Variants in PCDHGA3 observed in about 807,000 individuals in gnomAD.
The protein encoded by PCDHGA3 is protocadherin gamma-A3.
A neutral mutation model predicts 58.5 loss-of-function variants in PCDHGA3; 40 were observed. The ratio of observed to expected loss-of-function variants is 0.68; its 90% CI spans 0.53 to 0.89. The LOEUF is 0.89. Among genes scored for constraint, PCDHGA3 ranks in the 40% least tolerant of loss-of-function variants. PCDHGA3 has a pLI of 0.00. For missense variants in PCDHGA3, 1,223 were observed against 1,195.9 expected, an observed-to-expected ratio of 1.02 and a Z score of -0.33; for synonymous variants, 530 against 525.7, an observed-to-expected ratio of 1.01 and a Z score of -0.11.
intron 1 of PCDHGA3, among the ~76,000 whole-genome samples, chr5:141,450,832 T>TTATTA (rs764784095): frequency 5.6e-5 from 8 of 142,316 alleles, no homozygotes; most frequent in African/African-American, 2.2e-4. Context: ...TATTATTATT[T>TTATTA]TTTTTTTTTT....
At chr5:141,394,769 C>T in intron 1 of PCDHGA3, 1 of 1,613,514 alleles carries the variant, frequency 6.2e-7, no homozygotes, top group Non-Finnish European at 8.5e-7. Flanking sequence ...ATGGCCAGCC[C>T]CCTCTCTCCG....
intron 1 of PCDHGA3, chr5:141,392,892 G>A (rs2092623669): frequency 6.2e-7 from 1 of 1,613,702 alleles, no homozygotes; most frequent in Non-Finnish European, 8.5e-7. Context: ...GTGGGAAATC[G>A]GGAGGGGACA....
At chr5:141,427,100 T>G (rs1270371842) in intron 1 of PCDHGA3, 1 of 458,010 alleles carries the variant, frequency 2.2e-6, no homozygotes, top group Non-Finnish European at 4.4e-6. Flanking sequence ...AGGGTGTCAA[T>G]GCGGAGATCA....
At chr5:141,499,880 G>A (rs1177287013) in intron 2 of PCDHGA3, among the ~76,000 whole-genome samples, 1 of 151,886 alleles carries the variant, frequency 6.6e-6, no homozygotes, top group African/African-American at 2.4e-5. Flanking sequence ...TACAAACAGG[G>A]TTTCGCCATG....
chr5:141,499,457 T>G (rs1000400491), intron 2 of PCDHGA3, among the ~76,000 whole-genome samples: 1 of 152,214 alleles, frequency 6.6e-6, no homozygotes, highest in African/African-American at 2.4e-5. Context: ...CCCATCATTT[T>G]ACAATCTAGG....
intron 1 of PCDHGA3, chr5:141,399,663 G>C: frequency 6.2e-7 from 1 of 1,613,624 alleles, no homozygotes; most frequent in Non-Finnish European, 8.5e-7. Context: ...TGGTGTTCGC[G>C]CAGCGCGCCT....
chr5:141,352,394 C>G (rs370902348), intron 1 of PCDHGA3: 7 of 1,614,050 alleles, frequency 4.3e-6, no homozygotes, highest in Non-Finnish European at 5.9e-6. Context: ...CCTGCGCCTG[C>G]GACGTTCCTC....
Position 141,388,206 on chromosome 5 carries a change from G to C in PCDHGA3, c.2424+41749G>C. ...GCCAGCTTGTGCTCTGGAATTTGAGGCTGTTGCTGAAAATCCACTGAACTT... is the reference window on the plus strand; with the variant it reads ...GCCAGCTTGTGCTCTGGAATTTGAGCCTGTTGCTGAAAATCCACTGAACTT... On this transcript the variant is annotated intron_variant, in intron 1 of 3. Coordinates refer to ENST00000253812, the MANE Select transcript of PCDHGA3 (RefSeq NM_018916.4). 4 of 1,578,262 alleles carry C rather than the reference G, an allele frequency of 2.5e-6. No homozygotes were observed. In the South Asian group the frequency reaches 4.5e-5, roughly 18 times the overall value.
At chr5:141,461,602 A>G (rs971808608) in intron 1 of PCDHGA3, among the ~76,000 whole-genome samples, 2 of 152,172 alleles carry the variant, frequency 1.3e-5, no homozygotes, top group African/African-American at 4.8e-5. Flanking sequence ...ATTATAATTT[A>G]GTTCAAAGTA....
At position 141,491,413 on chromosome 5, in the gene PCDHGA3, G is replaced by A. The variant is rs1193417991; in HGVS notation, c.2425-3394G>A. 5.6e-6 allele frequency: 9 copies of A among 1,613,946 alleles called. No individual in the cohort carries two copies. Among genetic ancestry groups the A allele is most frequent in the Non-Finnish European group, 7.6e-6 (9 of 1,179,986 alleles). On this transcript the variant is annotated intron_variant, in intron 1 of 3. Transcript: ENST00000253812. The surrounding 1 kb of genome is among the most constrained non-coding windows in gnomAD (Gnocchi z 6.9). Reference sequence around the variant, plus strand: ...CCTTCAGGGAAACGCAGACGGGGACGGGGGTGGAGGGCAGTGCTGCAGGCG... The same window carrying A: ...CCTTCAGGGAAACGCAGACGGGGACAGGGGTGGAGGGCAGTGCTGCAGGCG...
chr5:141,357,987 C>T (rs921164860), intron 1 of PCDHGA3, among the ~76,000 whole-genome samples: 3 of 152,080 alleles, frequency 2.0e-5, no homozygotes, highest in African/African-American at 7.2e-5. Flanking sequence ...CTCAGGAGTT[C>T]GAGACCAGTC....
chr5:141,404,164 G>A, intron 1 of PCDHGA3: 2 of 1,613,126 alleles, frequency 1.2e-6, no homozygotes, highest in South Asian at 2.2e-5. Context: ...ATTACAGATT[G>A]TTGACGGCCC....
At chr5:141,444,783 C>A (rs551686741) in intron 1 of PCDHGA3, among the ~76,000 whole-genome samples, 2 of 152,100 alleles carry the variant, frequency 1.3e-5, no homozygotes, top group Non-Finnish European at 2.9e-5. Context: ...GATCATGTTT[C>A]ATTTGTCTAT....
intron 1 of PCDHGA3, chr5:141,365,618 C>T: frequency 6.2e-7 from 1 of 1,613,564 alleles, no homozygotes; most frequent in Non-Finnish European, 8.5e-7. Flanking sequence ...CCATGGAACC[C>T]CGCCCCTCTC....
At chr5:141,390,634 T>C (rs1003300188) in intron 1 of PCDHGA3, 36 of 236,246 alleles carry the variant, frequency 1.5e-4, no homozygotes, top group African/African-American at 7.4e-4. Context: ...ATATGATGAA[T>C]ACTTTTTTCA....
chr5:141,469,753 T>C (rs564585597), intron 1 of PCDHGA3, among the ~76,000 whole-genome samples: 1 of 152,322 alleles, frequency 6.6e-6, no homozygotes, highest in East Asian at 1.9e-4. Flanking sequence ...ATTACAAAAA[T>C]ACATATATAC....
intron 1 of PCDHGA3, among the ~76,000 whole-genome samples, chr5:141,462,430 T>C (rs1471523013): frequency 2.0e-5 from 3 of 152,230 alleles, no homozygotes; most frequent in African/African-American, 4.8e-5. Flanking sequence ...TTGGTGAGTG[T>C]TGCTTACACA....
At chr5:141,497,013 A>G (rs2099773320) in intron 2 of PCDHGA3, among the ~76,000 whole-genome samples, 1 of 151,990 alleles carries the variant, frequency 6.6e-6, no homozygotes, top group Admixed American at 6.6e-5. Context: ...ACATGGTGAA[A>G]CCCCATCTCG....
rs202187251 is a variant in PCDHGA3, at chr5:141,361,781, G to A, written c.2424+15324G>A. Reference sequence around the variant, plus strand: ...GCGCTCAGCGCCAACGTGAGCCTGCGCGTGTTAGTGGGCGACCTCAATGAC... The same window carrying A: ...GCGCTCAGCGCCAACGTGAGCCTGCACGTGTTAGTGGGCGACCTCAATGAC... On this transcript the variant is annotated intron_variant, in intron 1 of 3. Transcript: ENST00000253812. The A allele has an allele frequency of 3.1e-4, 505 of 1,613,104 alleles. No homozygotes were observed. Among genetic ancestry groups the A allele is most frequent in the Non-Finnish European group, 3.8e-4 (452 of 1,179,752 alleles).
Sources: gnomAD v4.1 joint callset for allele counts (sites outside exome capture counted in the v4.1 genomes callset) on GRCh38, gnomAD v4.1.1 for gene constraint, Gnocchi (gnomAD v3.1) non-coding constraint, MANE v1.5 for transcripts, NCBI Gene and HGNC (gene_info 2026-07-23, HGNC 2026-07-21) for gene names.